The following DCHS2 variants were observed in gnomAD, a reference collection of about 807,000 sequenced individuals.
DCHS2 encodes protocadherin-23.
DCHS2 carries 142 observed loss-of-function variants against 182.4 expected under a neutral mutation model. That is an observed-to-expected ratio of 0.78 (90% CI 0.68 to 0.89). The LOEUF is 0.89. Ranked by LOEUF, DCHS2 falls within the 40% of genes least tolerant of loss-of-function variation. The pLI, the probability that DCHS2 is intolerant of heterozygous loss-of-function variation, is 0.00. For missense variants in DCHS2, 4,319 were observed against 4,198.6 expected, an observed-to-expected ratio of 1.03 and a Z score of -0.79; for synonymous variants, 1,740 against 1,663.3, an observed-to-expected ratio of 1.05 and a Z score of -1.12.
At chr4:154,392,431 A>G (rs56291303) in intron 1 of DCHS2, among the ~76,000 whole-genome samples, 1 of 152,154 alleles carries the variant, frequency 6.6e-6, no homozygotes, top group Non-Finnish European at 1.5e-5. Context: ...GTTTTAAAAA[A>G]ATATATAATG....
chr4:154,391,259 G>A lies in DCHS2; in HGVS notation c.2053-13815C>T, dbSNP rs62331900. The A allele has an allele frequency of 0.2, 329,207 of 1,608,400 alleles. 37,559 individuals are homozygous for A. The highest frequency in any genetic ancestry group is 0.4 in the African/African-American group (30,142 of 74,870). ...GCTGAGTAAACATCTTCTTTTCTCC[G>A]TCTTCATTCTCTGATTTCGTTATCT... On this transcript the variant is annotated intron_variant, in intron 1 of 19. Coordinates refer to ENST00000357232, the MANE Select transcript of DCHS2 (RefSeq NM_001358235.2).
rs539426686 is a variant in DCHS2, at chr4:154,343,590, C to T, written c.2477-8486G>A. 15 of 1,530,496 alleles carry T rather than the reference C, an allele frequency of 9.8e-6. No homozygotes were observed. In the South Asian group the frequency reaches 1.5e-4, roughly 15 times the overall value. The allele number at this position is 1,530,496 out of a possible 1,614,324, so 94.8% of individuals were successfully genotyped here. A position where few individuals can be genotyped will look rare whatever the true frequency, so the allele number is the denominator to read the frequency against. ...GCGTCTTCCCTTAAACCTCATGAAC[C>T]AACCTCTGCTAGCTTCAAATTTTTT... On this transcript the variant is annotated intron_variant, in intron 3 of 19. Coordinates refer to ENST00000357232, the MANE Select transcript of DCHS2 (RefSeq NM_001358235.2).
chr4:154,449,296 C>T (rs1180089908), intron 1 of DCHS2, among the ~76,000 whole-genome samples: 2 of 151,366 alleles, frequency 1.3e-5, no homozygotes, highest in East Asian at 1.9e-4. Context: ...ATGATATTTT[C>T]AATTAATCTT....
chr4:154,365,861 G>A (rs1046124798), intron 3 of DCHS2, among the ~76,000 whole-genome samples: 1 of 151,086 alleles, frequency 6.6e-6, no homozygotes, highest in Non-Finnish European at 1.5e-5. Flanking sequence ...TCTTGGCCAG[G>A]CTAGTCTTGA....
At chr4:154,485,108 T>C (rs1209575679) in intron 1 of DCHS2, among the ~76,000 whole-genome samples, 1 of 42,722 alleles carries the variant, frequency 2.3e-5, no homozygotes, top group African/African-American at 4.5e-5. Context: ...ATGAGCTTTT[T>C]TTTTTAAATG....
At chr4:154,242,558 G>A (rs949582098) in intron 17 of DCHS2, 84 bp downstream of exon 17, 113 of 1,518,792 alleles carry the variant, frequency 7.4e-5, no homozygotes, top group Non-Finnish European at 9.0e-5. Flanking sequence ...TAGCACTCAT[G>A]TTAATACAGT....
At position 154,411,488 on chromosome 4, in the gene DCHS2, T is replaced by G. The variant is rs544317739; in HGVS notation, c.2053-34044A>C. On this transcript the variant is annotated intron_variant, in intron 1 of 19. Transcript: ENST00000357232. The stretch of plus-strand genomic sequence containing the variant: ...GGCGCGTGCCTGTAGTCCCAGCTAC[T>G]CGGGAGGCTGAGGCAGAAGAATCGC... Among the ~76,000 whole-genome samples the G allele has an allele frequency of 3.1e-4, 47 of 152,078 alleles. 1 individual carries two copies. Among genetic ancestry groups the G allele is most frequent in the African/African-American group, 1.0e-3 (42 of 41,454 alleles).
chr4:154,491,166 C>T lies in DCHS2; in HGVS notation c.190G>A (p.Ala64Thr), dbSNP rs754807611. Residue 64 changes from alanine to threonine, a missense_variant, in exon 1 of 20, where the codon GCC becomes ACC. Coordinates refer to ENST00000357232, the MANE Select transcript of DCHS2 (RefSeq NM_001358235.2). ...VWLWAASGSS[A>T]QLFNLTLSVD... ...GAAAGGGTGAGGTTGAACAACTGGG[C>T]AGAGGAGCCCGAGGCCGCCCACAGC... is the stretch of plus-strand genomic sequence containing the variant. The T allele has an allele frequency of 5.8e-6, 9 of 1,551,182 alleles. No individual in the cohort carries two copies. In the African/African-American group the frequency reaches 1.1e-4, roughly 19 times the overall value.
chr4:154,491,662 G>C lies in DCHS2; in HGVS notation c.-307C>G. ...CTCTCCTTTTATTCCCTTTACATCT[G>C]TTCCTTGTTCTACTCGGCTGGTTGT... On this transcript the variant is annotated 5_prime_UTR_variant, in exon 1 of 20. Transcript: ENST00000357232. 4.1e-6 allele frequency: 5 copies of C among 1,212,994 alleles called. No homozygotes were observed. The highest frequency in any genetic ancestry group is 5.1e-6 in the Non-Finnish European group (5 of 976,582). 75.1% of individuals were successfully genotyped at this position (1,212,994 alleles called of 1,614,324 possible). A position where few individuals can be genotyped will look rare whatever the true frequency, so the allele number is the denominator to read the frequency against.
At chr4:154,413,785 C>G (rs1732721552) in intron 1 of DCHS2, among the ~76,000 whole-genome samples, 1 of 152,188 alleles carries the variant, frequency 6.6e-6, no homozygotes, top group African/African-American at 2.4e-5. Context: ...TAACTGTGCC[C>G]TCCACTTTAG....
chr4:154,236,428 C>T lies in DCHS2; in HGVS notation c.8224G>A (p.Ala2742Thr), dbSNP rs1260276001. The T allele has an allele frequency of 2.5e-6, 4 of 1,613,932 alleles. No individual in the cohort carries two copies. The highest frequency in any genetic ancestry group is 3.4e-6 in the Non-Finnish European group (4 of 1,179,956). ...KMTKFTLTVQ[A>T]SDAEKKHFSF... ...AAATGTTTCTTTTCTGCATCTGAAG[C>T]TTGGACAGTTAAGGTGAATTTTGTC... Residue 2742 changes from alanine (A) to threonine (T), a missense_variant, in exon 20 of 20, where the codon GCT becomes ACT. Physicochemically the swap from Ala to Thr is moderately conservative, Grantham distance 58 (BLOSUM62 0). Coordinates refer to ENST00000357232, the MANE Select transcript of DCHS2 (RefSeq NM_001358235.2).
At chr4:154,448,793 G>C (rs1734409545) in intron 1 of DCHS2, among the ~76,000 whole-genome samples, 1 of 152,142 alleles carries the variant, frequency 6.6e-6, no homozygotes, top group South Asian at 2.1e-4. Context: ...TTTGCCGAAT[G>C]AATTTCTACT....
intron 1 of DCHS2, among the ~76,000 whole-genome samples, chr4:154,429,114 C>A (rs1037541594): frequency 6.6e-6 from 1 of 152,136 alleles, no homozygotes; most frequent in African/African-American, 2.4e-5. Context: ...CAGTTATGTC[C>A]TATGCAACTA....
chr4:154,282,592 A>G (rs1283152329), intron 13 of DCHS2, among the ~76,000 whole-genome samples: 1 of 152,158 alleles, frequency 6.6e-6, no homozygotes, highest in Non-Finnish European at 1.5e-5. Flanking sequence ...AAAATGGTGC[A>G]GCCCACTATG....
chr4:154,345,066 G>A (rs1176784008), intron 3 of DCHS2, among the ~76,000 whole-genome samples: 1 of 152,204 alleles, frequency 6.6e-6, no homozygotes, highest in South Asian at 2.1e-4. Flanking sequence ...TTTCCTACCA[G>A]TACCTGCCAC....
intron 1 of DCHS2, among the ~76,000 whole-genome samples, chr4:154,408,004 C>T (rs1436403673): frequency 1.3e-5 from 2 of 152,044 alleles, no homozygotes; most frequent in Non-Finnish European, 2.9e-5. Flanking sequence ...CTCTCACCCT[C>T]AGACTGCCCA....
At chr4:154,279,240 CA>C (rs922800060) in intron 13 of DCHS2, among the ~76,000 whole-genome samples, 5 of 150,898 alleles carry the variant, frequency 3.3e-5, no homozygotes, top group African/African-American at 1.2e-4. Context: ...AGAAGAAACA[CA>C]AAAGGAAATA....
At chr4:154,353,006 C>T (rs911084656) in intron 3 of DCHS2, among the ~76,000 whole-genome samples, 1 of 152,060 alleles carries the variant, frequency 6.6e-6, no homozygotes, top group African/African-American at 2.4e-5. Flanking sequence ...CCCAGTAGAT[C>T]GCAAATAAAA....
chr4:154,385,653 CT>C (rs34909285), intron 1 of DCHS2, among the ~76,000 whole-genome samples: 59,139 of 150,634 alleles, frequency 0.39, 12,081 homozygotes, highest in East Asian at 0.66. Context: ...TGCTCAATTA[CT>C]TTTTTTTTTC....
Sources: allele counts gnomAD v4.1 joint callset (sites outside exome capture counted in the v4.1 genomes callset), GRCh38; gene constraint gnomAD v4.1.1; transcripts MANE v1.5; gene names NCBI Gene and HGNC (gene_info 2026-07-23, HGNC 2026-07-21).